Variants in OR8G1 observed in about 807,000 individuals in gnomAD.
The protein encoded by OR8G1 is olfactory receptor 8G1.
For synonymous variants in OR8G1, 129 were observed against 133.3 expected (o/e 0.97, Z 0.22); for missense variants, 372 against 356.2 (o/e 1.04, Z -0.36).
At chr11:124,246,097 A>G (rs968464713) in intron 1 of OR8G1, among the ~76,000 whole-genome samples, 2 of 151,494 alleles carry the variant, frequency 1.3e-5, no homozygotes, top group African/African-American at 4.9e-5. Flanking sequence ...GCCCATGCCT[A>G]TGTCCTGAAT....
At chr11:124,245,770 G>A (rs566920644) in intron 1 of OR8G1, among the ~76,000 whole-genome samples, 55 of 144,302 alleles carry the variant, frequency 3.8e-4, no homozygotes, top group South Asian at 1.7e-3. Flanking sequence ...GCCAGTGATG[G>A]TGAGCATTTT....
intron 1 of OR8G1, among the ~76,000 whole-genome samples, chr11:124,246,895 AATG>A (rs1861816802): frequency 1.3e-5 from 2 of 150,938 alleles, no homozygotes; most frequent in East Asian, 1.9e-4. Context: ...CCACATCTGT[AATG>A]ATAACAATTC....
Position 124,249,857 on chromosome 11 carries a change from A to C in OR8G1, c.182A>C (p.Tyr61Ser), listed in dbSNP as rs1861847917. 2 of 1,613,628 alleles carry C rather than the reference A, an allele frequency of 1.2e-6. No individual in the cohort carries two copies. Among genetic ancestry groups the C allele is most frequent in the East Asian group, 4.5e-5 (2 of 44,858 alleles). ...TCTCACCTGCACACCCCTATGTACTATTTCCTCAGCAGTCTGTCCTTCATT... is the reference window on the plus strand; with the variant it reads ...TCTCACCTGCACACCCCTATGTACTCTTTCCTCAGCAGTCTGTCCTTCATT... ...LSSHLHTPMY[Y>S]FLSSLSFIDF... Residue 61 changes from tyrosine (Y) to serine (S), a missense_variant, in exon 3 of 3, where the codon TAT (tyrosine) becomes TCT (serine). Tyr to Ser is a moderately radical substitution (Grantham distance 144, BLOSUM62 -2). Coordinates refer to ENST00000641972, the MANE Select transcript of OR8G1 (RefSeq NM_001002905.2).
intron 1 of OR8G1, among the ~76,000 whole-genome samples, chr11:124,242,008 A>G (rs2512282): frequency 0.51 from 77,400 of 151,598 alleles, 20,377 homozygotes; most frequent in South Asian, 0.7. Context: ...AGCTCATTCA[A>G]CTTCTAAGAA....
intron 1 of OR8G1, among the ~76,000 whole-genome samples, chr11:124,247,344 C>T (rs1048913712): frequency 6.6e-6 from 1 of 151,698 alleles, no homozygotes; most frequent in African/African-American, 2.4e-5. Context: ...GCTGCATAGT[C>T]TACAATTATG....
chr11:124,248,664 A>G (rs372641933), intron 2 of OR8G1, among the ~76,000 whole-genome samples: 2 of 152,066 alleles, frequency 1.3e-5, no homozygotes, highest in African/African-American at 2.4e-5. Context: ...ATAAATAACT[A>G]TATTTTAAAT....
Position 124,250,836 on chromosome 11 carries a change from A to G in OR8G1, c.*225A>G. ...AATTAATATAAATACTAAAATCGAC[A>G]TGAGTACATAGACTCATTAATGCCA... On this transcript the variant is annotated 3_prime_UTR_variant, in exon 3 of 3. Transcript: ENST00000641972. The G allele has an allele frequency of 8.1e-6, 2 of 246,992 alleles. 1 individual carries two copies. The highest frequency in any genetic ancestry group is 1.3e-4 in the East Asian group (2 of 15,474). 15.3% of individuals were successfully genotyped at this position (246,992 alleles called of 1,614,324 possible). A position where few individuals can be genotyped will look rare whatever the true frequency, so the allele number is the denominator to read the frequency against.
At chr11:124,243,237 T>G (rs553157415) in intron 1 of OR8G1, among the ~76,000 whole-genome samples, 1 of 152,096 alleles carries the variant, frequency 6.6e-6, no homozygotes, top group African/African-American at 2.4e-5. Context: ...ATACCCAATT[T>G]TTAACACGCA....
Position 124,250,364 on chromosome 11 carries a change from C to T in OR8G1, c.689C>T (p.Ser230Phe), listed in dbSNP as rs756646568. Residue 230 changes from serine to phenylalanine, a missense_variant, in exon 3 of 3, where the codon TCC becomes TTC. Transcript: ENST00000641972. ...FIIASILHIRSTEGRSKAFST... is the reference protein window; with the variant it reads ...FIIASILHIRFTEGRSKAFST... ...ATTGCCAGCATCCTCCACATTCGCT[C>T]CACTGAGGGCAGGTCCAAAGCCTTC... 3 of 1,613,690 alleles carry T rather than the reference C, an allele frequency of 1.9e-6. No homozygotes were observed. Among genetic ancestry groups the T allele is most frequent in the Non-Finnish European group, 2.5e-6 (3 of 1,179,830 alleles).
intron 1 of OR8G1, among the ~76,000 whole-genome samples, chr11:124,244,370 G>A (rs920688717): frequency 2.0e-5 from 3 of 151,964 alleles, no homozygotes; most frequent in African/African-American, 7.2e-5. Context: ...AGGTGACTCT[G>A]ATGATTAACC....
At chr11:124,247,669 G>C (rs941713797) in intron 1 of OR8G1, 132 bp from the exon 2 acceptor site, 3 of 149,336 alleles carry the variant, frequency 2.0e-5, no homozygotes, top group African/African-American at 7.4e-5. Context: ...TTAAAATATA[G>C]AGTAATATTT....
chr11:124,250,546 A>C lies in OR8G1; in HGVS notation c.871A>C (p.Ser291Arg). The stretch of plus-strand genomic sequence containing the variant: ...GCCCATGTTGAACCCTCTGATTTAT[A>C]GCCTGAGGAATAAAGATGTCCATGT... The part of the protein sequence containing the change: ...IVPMLNPLIY[S>R]LRNKDVHVSL... The change falls in exon 3 of 3, where the codon AGC becomes CGC. Residue 291 changes from serine (S) to arginine (R), a missense_variant. Transcript: ENST00000641972. 1 of 1,127,536 alleles carries C rather than the reference A, an allele frequency of 8.9e-7. No individual in the cohort carries two copies. 69.8% of individuals were successfully genotyped at this position (1,127,536 alleles called of 1,614,324 possible).
intron 1 of OR8G1, among the ~76,000 whole-genome samples, chr11:124,246,614 C>G (rs567210519): frequency 6.6e-6 from 1 of 150,810 alleles, no homozygotes; most frequent in African/African-American, 2.4e-5. Flanking sequence ...GAATAGTAAA[C>G]AAGAGAAAAA....
At chr11:124,249,117 C>T (rs1456874788) in intron 2 of OR8G1, among the ~76,000 whole-genome samples, 1 of 151,896 alleles carries the variant, frequency 6.6e-6, no homozygotes, top group Admixed American at 6.6e-5. Context: ...CAGTCCAGCT[C>T]GTGTTAAATT....
rs1359957292 is a variant in OR8G1, at chr11:124,253,557, C to T, written c.*2946C>T. ...TGTATAGCGAAATGCCTAAATTGAG[C>T]TAGTTAACATATATATTACCTAACA... On this transcript the variant is annotated 3_prime_UTR_variant, in exon 3 of 3. Transcript: ENST00000641972. 5.3e-5 allele frequency: 8 copies of T among 151,988 alleles called. No homozygotes were observed. Among genetic ancestry groups the T allele is most frequent in the African/African-American group, 1.9e-4 (8 of 41,356 alleles). 9.4% of individuals were successfully genotyped at this position (151,988 alleles called of 1,614,324 possible). A position where few individuals can be genotyped will look rare whatever the true frequency, so the allele number is the denominator to read the frequency against.
intron 1 of OR8G1, among the ~76,000 whole-genome samples, chr11:124,245,588 C>T (rs1396862993): frequency 7.0e-6 from 1 of 143,106 alleles, no homozygotes; most frequent in Admixed American, 6.9e-5. Flanking sequence ...GGAATGGCCA[C>T]ACTGACTTCC....
rs954048145 is a variant in OR8G1 at position 124,249,546 on chromosome 11, A to C, written c.-16-114A>C. ...ATATTATTTGAGGTAAACTTTACTT[A>C]CTCAAAGGGGATACCTAAAGCATGA... On this transcript the variant is annotated intron_variant, in intron 2 of 2. Transcript: ENST00000641972. 3 of 914,304 alleles carry C rather than the reference A, an allele frequency of 3.3e-6. No individual in the cohort carries two copies. In the African/African-American group the frequency reaches 5.0e-5, roughly 15 times the overall value. The allele number at this position is 914,304 out of a possible 1,614,324, so 56.6% of individuals were successfully genotyped here. A position where few individuals can be genotyped will look rare whatever the true frequency, so the allele number is the denominator to read the frequency against.
In OR8G1 at chr11:124,250,457, A is replaced by G. The variant is rs764476139; in HGVS notation, c.782A>G (p.Gln261Arg). 1.2e-6 allele frequency: 2 copies of G among 1,613,694 alleles called. No homozygotes were observed. The highest frequency in any genetic ancestry group is 1.1e-5 in the South Asian group (1 of 91,082). ...FFGSAAFMYL[Q>R]PSSISSMDQG... ...GGATCTGCAGCATTCATGTACTTGC[A>G]GCCATCTTCAATCAGCTCCATGGAC... Residue 261 changes from glutamine (Q) to arginine (R), a missense_variant, in exon 3 of 3, where the codon CAG (glutamine) becomes CGG (arginine). By Grantham distance (43) the Gln-to-Arg change is conservative (BLOSUM62 1). Transcript: ENST00000641972.
At chr11:124,244,410 CTGTT>C (rs1263264789) in intron 1 of OR8G1, among the ~76,000 whole-genome samples, 4 of 151,858 alleles carry the variant, frequency 2.6e-5, no homozygotes, top group Non-Finnish European at 4.4e-5. Context: ...TTGATAAACA[CTGTT>C]TGTGTTTAAA....
Sources: gnomAD v4.1 joint callset for allele counts (sites outside exome capture counted in the v4.1 genomes callset) on GRCh38, gnomAD v4.1.1 for gene constraint, MANE v1.5 for transcripts, NCBI Gene and HGNC (gene_info 2026-07-23, HGNC 2026-07-21) for gene names.